Variants in PCDH15 observed in about 807,000 individuals in gnomAD.
The protein encoded by PCDH15 is protocadherin-15.
A neutral mutation model predicts 178.5 loss-of-function variants in PCDH15; 129 were observed. The observed-to-expected ratio is 0.72, with a 90% CI of 0.63 to 0.84. The LOEUF is 0.84. PCDH15 is among the 40% of genes least tolerant of loss of function. The probability of loss-of-function intolerance (pLI) is 0.00; values close to 1 mark genes in which losing one functional copy is unlikely to be tolerated. For synonymous variants in PCDH15, 800 were observed against 732.0 expected (o/e 1.09, Z -1.50); for missense variants, 2,230 against 2,099.9 (o/e 1.06, Z -1.21).
At position 53,840,426 on chromosome 10, in the gene PCDH15, G is replaced by A. The variant is rs142034111; in HGVS notation, c.3877C>T (p.Arg1293Trp). 43 of 1,613,760 alleles carry A rather than the reference G, an allele frequency of 2.7e-5. No homozygotes were observed. The highest frequency in any genetic ancestry group is 1.0e-4 in the Admixed American group (6 of 59,988). ...KVVVESIGAR[R>W]HGDAFSLEDY... ...TCTAGGGAAAAGGCATCTCCATGCC[G>A]GCGAGCTCCAATGGACTCCACTACG... Residue 1293 changes from arginine (R) to tryptophan (W), a missense_variant, in exon 29 of 38, where the codon CGG becomes TGG. Physicochemically the swap from Arg to Trp is moderately radical, Grantham distance 101. Transcript: ENST00000644397.
chr10:53,855,979 C>G (rs1256703903), intron 28 of PCDH15, among the ~76,000 whole-genome samples: 4 of 146,392 alleles, frequency 2.7e-5, no homozygotes, highest in Non-Finnish European at 4.5e-5. Context: ...AAAATAATGG[C>G]ATTTGCCATT....
At chr10:55,568,720 TCA>T (rs983033873) in intron 2 of PCDH15, among the ~76,000 whole-genome samples, 2 of 152,042 alleles carry the variant, frequency 1.3e-5, no homozygotes, top group Non-Finnish European at 2.9e-5. Flanking sequence ...CTATTGTCAT[TCA>T]CAGATTCCAC....
chr10:55,308,383 C>G (rs1219758917), intron 1 of PCDH15, among the ~76,000 whole-genome samples: 1 of 152,130 alleles, frequency 6.6e-6, no homozygotes, highest in African/African-American at 2.4e-5. Context: ...GAAACACTTT[C>G]CACTCGTATA....
At chr10:54,006,731 T>G (rs773733673) in intron 20 of PCDH15, among the ~76,000 whole-genome samples, 1 of 152,140 alleles carries the variant, frequency 6.6e-6, no homozygotes, top group Non-Finnish European at 1.5e-5. Context: ...GGTAGCAATA[T>G]TTCTTTCTGG....
chr10:55,450,363 A>C (rs961692521), intron 2 of PCDH15, among the ~76,000 whole-genome samples: 2 of 152,136 alleles, frequency 1.3e-5, no homozygotes, highest in African/African-American at 4.8e-5. Context: ...AACAGATTAC[A>C]CTCACTCTTA....
intron 1 of PCDH15, among the ~76,000 whole-genome samples, chr10:54,722,316 G>A (rs988948028): frequency 2.7e-5 from 4 of 148,358 alleles, no homozygotes; most frequent in Non-Finnish European, 6.0e-5. Flanking sequence ...AAGACAGGAT[G>A]TCAACTCTTA....
intron 1 of PCDH15, among the ~76,000 whole-genome samples, chr10:55,311,892 C>A (rs559228161): frequency 1.3e-5 from 2 of 152,264 alleles, no homozygotes; most frequent in African/African-American, 4.8e-5. Context: ...AGATGCAGAA[C>A]TCAATTTTCA....
intron 7 of PCDH15, among the ~76,000 whole-genome samples, chr10:54,321,980 C>G (rs1361337269): frequency 6.6e-6 from 1 of 151,620 alleles, no homozygotes; most frequent in Non-Finnish European, 1.5e-5. Flanking sequence ...ACTTGTGAGC[C>G]CATAATGGTA....
chr10:53,879,707 A>G (rs1013489975), intron 26 of PCDH15, among the ~76,000 whole-genome samples: 2 of 152,196 alleles, frequency 1.3e-5, no homozygotes, highest in African/African-American at 4.8e-5. Flanking sequence ...TTTTGTTAAT[A>G]TGTCTATGTG....
intron 2 of PCDH15, among the ~76,000 whole-genome samples, chr10:54,635,295 G>A (rs1187815492): frequency 2.6e-5 from 4 of 151,530 alleles, no homozygotes; most frequent in Non-Finnish European, 4.4e-5. Context: ...TTATTTAGCT[G>A]AGATTTGCTT....
chr10:55,399,937 T>G (rs1453138260), intron 2 of PCDH15, among the ~76,000 whole-genome samples: 2 of 152,294 alleles, frequency 1.3e-5, no homozygotes, highest in Admixed American at 1.3e-4. Flanking sequence ...ATTTTGAGTT[T>G]CTGATCCTTC....
chr10:55,127,838 T>C (rs2132074138), intron 2 of PCDH15, among the ~76,000 whole-genome samples: 1 of 152,182 alleles, frequency 6.6e-6, no homozygotes, highest in East Asian at 1.9e-4. Context: ...GTGGCTGTTG[T>C]TTCATTATAC....
intron 8 of PCDH15, among the ~76,000 whole-genome samples, chr10:54,248,702 A>G (rs550637028): frequency 1.3e-5 from 2 of 152,206 alleles, no homozygotes; most frequent in East Asian, 3.9e-4. Context: ...ACATGGTAAG[A>G]GAAAGCTCTG....
chr10:54,071,533 G>A (rs942910541), intron 17 of PCDH15, among the ~76,000 whole-genome samples: 13 of 151,978 alleles, frequency 8.6e-5, no homozygotes, highest in Admixed American at 3.3e-4. Context: ...AACATTTCAT[G>A]GCTAGAAAAC....
intron 1 of PCDH15, among the ~76,000 whole-genome samples, chr10:54,800,390 A>G (rs181003941): frequency 1.2e-4 from 18 of 152,318 alleles, no homozygotes; most frequent in Admixed American, 6.5e-4. Context: ...TAATAAACTA[A>G]AACATCCACA....
At chr10:55,476,052 C>G (rs1840056564) in intron 2 of PCDH15, among the ~76,000 whole-genome samples, 1 of 152,058 alleles carries the variant, frequency 6.6e-6, no homozygotes, top group African/African-American at 2.4e-5. Context: ...TAATCCCACA[C>G]TACAATGTAG....
chr10:54,730,764 TAAAG>T (rs899183102), intron 1 of PCDH15, among the ~76,000 whole-genome samples: 1 of 151,256 alleles, frequency 6.6e-6, no homozygotes, highest in Non-Finnish European at 1.5e-5. Context: ...CAAATAAAAA[TAAAG>T]ACTTAAATTT....
intron 2 of PCDH15, among the ~76,000 whole-genome samples, chr10:55,012,644 C>T (rs1261384462): frequency 6.6e-6 from 1 of 152,024 alleles, no homozygotes; most frequent in Non-Finnish European, 1.5e-5. Flanking sequence ...TTGTCAGAGC[C>T]ACTCACTATT....
At chr10:54,436,022 GAGAGGAGAGGAGAGA>G (rs2075368954) in intron 3 of PCDH15, among the ~76,000 whole-genome samples, 1 of 49,804 alleles carries the variant, frequency 2.0e-5, no homozygotes, top group African/African-American at 1.2e-4. Context: ...GAGAGGAGAG[GAGAGGAGAGGAGAGA>G]GAGAGAGAGA....
Sources: gnomAD v4.1 joint callset for allele counts (sites outside exome capture counted in the v4.1 genomes callset) on GRCh38, gnomAD v4.1.1 for gene constraint, MANE v1.5 for transcripts, NCBI Gene and HGNC (gene_info 2026-07-23, HGNC 2026-07-21) for gene names.